The following SPAG16 variants were observed in gnomAD, a reference collection of about 807,000 sequenced individuals.
SPAG16 encodes the protein sperm-associated antigen 16 protein.
SPAG16 carries 86 observed loss-of-function variants against 80.4 expected under a neutral mutation model. The observed-to-expected ratio is 1.07, with a 90% confidence interval of 0.90 to 1.28. The LOEUF is 1.28. Ranked by LOEUF, SPAG16 falls within the 50% of genes most tolerant of loss-of-function variation. The pLI is 0.00. For missense variants in SPAG16, 870 were observed against 765.3 expected, an observed-to-expected ratio of 1.14 and a Z score of -1.61; for synonymous variants, 294 against 265.9, an observed-to-expected ratio of 1.11 and a Z score of -1.03.
intron 9 of SPAG16, among the ~76,000 whole-genome samples, chr2:213,385,470 A>G (rs1559479038): frequency 6.6e-6 from 1 of 152,178 alleles, no homozygotes; most frequent in South Asian, 2.1e-4. Flanking sequence ...CGTGGAACCC[A>G]TAGGTACATG....
At chr2:213,912,055 G>C (rs1344407843) in intron 11 of SPAG16, among the ~76,000 whole-genome samples, 3 of 152,044 alleles carry the variant, frequency 2.0e-5, no homozygotes, top group Admixed American at 2.0e-4. Context: ...AGGTTATTCT[G>C]TAAACTGTAT....
chr2:213,656,271 C>G lies in SPAG16; in HGVS notation c.1070+166181C>G, dbSNP rs537314696. Among the ~76,000 whole-genome samples the G allele has an allele frequency of 2.0e-5, 3 of 152,318 alleles. No homozygotes were observed. The South Asian group carries it at 6.2e-4, about 32-fold the overall frequency. The stretch of plus-strand genomic sequence containing the variant: ...CTCGGCTCACTGCAAGCTCTGTCTC[C>G]CAGGTTCTCCTGCCTCAGCCTCCGG... On this transcript the variant is annotated intron_variant, in intron 10 of 15. Transcript: ENST00000331683.
At chr2:214,081,081 A>T (rs1378754310) in intron 13 of SPAG16, among the ~76,000 whole-genome samples, 2 of 151,352 alleles carry the variant, frequency 1.3e-5, no homozygotes, top group African/African-American at 4.8e-5. Flanking sequence ...GACATATATT[A>T]TGTACATAAA....
chr2:214,387,264 C>CAAAT (rs1700813364), intron 15 of SPAG16, among the ~76,000 whole-genome samples: 1 of 152,032 alleles, frequency 6.6e-6, no homozygotes, highest in Non-Finnish European at 1.5e-5. Flanking sequence ...ATTCTTTTAA[C>CAAAT]AAATATTCAT....
intron 15 of SPAG16, among the ~76,000 whole-genome samples, chr2:214,367,899 C>T (rs768817739): frequency 6.6e-6 from 1 of 152,094 alleles, no homozygotes; most frequent in Non-Finnish European, 1.5e-5. Context: ...AAACATCATT[C>T]TCACAATATA....
At chr2:213,681,518 C>T (rs567154145) in intron 10 of SPAG16, among the ~76,000 whole-genome samples, 1 of 152,262 alleles carries the variant, frequency 6.6e-6, no homozygotes, top group South Asian at 2.1e-4. Context: ...CTGATGATCT[C>T]TTTTGCCATT....
chr2:213,451,166 G>A (rs2071665673), intron 9 of SPAG16, among the ~76,000 whole-genome samples: 1 of 152,092 alleles, frequency 6.6e-6, no homozygotes, highest in African/African-American at 2.4e-5. Context: ...ATCTCATTAT[G>A]TATATAAATA....
intron 15 of SPAG16, among the ~76,000 whole-genome samples, chr2:214,350,244 C>G (rs190863513): frequency 6.6e-6 from 1 of 152,296 alleles, no homozygotes; most frequent in East Asian, 1.9e-4. Flanking sequence ...CAAACATGAA[C>G]TCTTCAAGTA....
At chr2:213,485,561 T>A (rs999219141) in intron 9 of SPAG16, among the ~76,000 whole-genome samples, 16 of 152,118 alleles carry the variant, frequency 1.1e-4, no homozygotes, top group African/African-American at 3.6e-4. Context: ...GATGCATTTT[T>A]TTTTTTCATT....
intron 11 of SPAG16, among the ~76,000 whole-genome samples, chr2:213,898,126 G>T (rs894485424): frequency 2.6e-5 from 4 of 152,088 alleles, no homozygotes; most frequent in African/African-American, 9.7e-5. Flanking sequence ...TGAGAATACT[G>T]AAAAACTAAG....
At chr2:214,219,506 A>G (rs1322786605) in intron 15 of SPAG16, among the ~76,000 whole-genome samples, 1 of 152,162 alleles carries the variant, frequency 6.6e-6, no homozygotes, top group Non-Finnish European at 1.5e-5. Flanking sequence ...TGCCTCACAT[A>G]TATAAAGTGC....
chr2:214,098,755 T>A (rs1192269338), intron 13 of SPAG16, among the ~76,000 whole-genome samples: 1 of 152,084 alleles, frequency 6.6e-6, no homozygotes, highest in African/African-American at 2.4e-5. Flanking sequence ...CACTTAAGTG[T>A]GGAAGAATTA....
chr2:213,365,959 G>A (rs1269221266), intron 8 of SPAG16, among the ~76,000 whole-genome samples: 1 of 149,896 alleles, frequency 6.7e-6, no homozygotes, highest in Non-Finnish European at 1.5e-5. Flanking sequence ...CGGCTAAAAC[G>A]GTGAAACCCC....
chr2:213,952,725 T>C (rs2043913685), intron 12 of SPAG16, among the ~76,000 whole-genome samples: 1 of 152,048 alleles, frequency 6.6e-6, no homozygotes, highest in Non-Finnish European at 1.5e-5. Context: ...GATGGAGGGC[T>C]AAGAAATGTA....
chr2:213,891,117 A>G (rs2076770221), intron 11 of SPAG16, among the ~76,000 whole-genome samples: 1 of 152,082 alleles, frequency 6.6e-6, no homozygotes, highest in Non-Finnish European at 1.5e-5. Context: ...AACACAGAAT[A>G]TACATTAAAA....
At chr2:213,452,813 A>G (rs1352051439) in intron 9 of SPAG16, among the ~76,000 whole-genome samples, 1 of 152,254 alleles carries the variant, frequency 6.6e-6, no homozygotes. Flanking sequence ...AACACAACTT[A>G]AAATCACCTG....
chr2:213,681,773 T>A (rs1228596442), intron 10 of SPAG16, among the ~76,000 whole-genome samples: 1 of 152,206 alleles, frequency 6.6e-6, no homozygotes, highest in Non-Finnish European at 1.5e-5. Flanking sequence ...ACTGCATTTT[T>A]TTCTTTCATA....
Position 214,189,115 on chromosome 2 carries a change from ACTT to A in SPAG16, c.1720+39852_1720+39854del, listed in dbSNP as rs563055424. Among the ~76,000 whole-genome samples, 15 of 152,252 alleles carry A rather than the reference ACTT, an allele frequency of 9.9e-5. No individual in the cohort carries two copies. The East Asian group carries it at 2.9e-3, about 29-fold the overall frequency. On this transcript the variant is annotated intron_variant, in intron 15 of 15. Coordinates refer to ENST00000331683, the MANE Select transcript of SPAG16 (RefSeq NM_024532.5). ...GTTGTATTGCATAGATTTGTGCAGT[ACTT>A]CTCAAAATGATTGTGAGACTCCTGT...
At position 213,955,962 on chromosome 2, in the gene SPAG16, T is replaced by A. The variant is rs201826411; in HGVS notation, c.1400+25817T>A. On this transcript the variant is annotated intron_variant, in intron 12 of 15. Transcript: ENST00000331683. ...ACCAATTTTTGGTTTTTATTTATTA[T>A]TTATTTATTTATTTATTTATTTTTT... Among the ~76,000 whole-genome samples, 845 of 151,580 alleles carry A rather than the reference T, an allele frequency of 5.6e-3. 19 individuals are homozygous for A. The highest frequency in any genetic ancestry group is 0.048 in the East Asian group (248 of 5,164).
Sources: gnomAD v4.1 joint callset for allele counts (sites outside exome capture counted in the v4.1 genomes callset) on GRCh38, gnomAD v4.1.1 for gene constraint, MANE v1.5 for transcripts, NCBI Gene and HGNC (gene_info 2026-07-23, HGNC 2026-07-21) for gene names.